SYTL3: variants seen among roughly 807,000 people sequenced by gnomAD.
SYTL3 encodes the protein synaptotagmin like 3, also known as synaptotagmin-like protein 3.
A neutral mutation model predicts 82.1 loss-of-function variants in SYTL3; 88 were observed. The ratio of observed to expected loss-of-function variants is 1.07; its 90% CI spans 0.90 to 1.28. The LOEUF (loss-of-function observed/expected upper bound fraction) is 1.28, where lower values mean the gene tolerates loss of function less well. Among genes scored for constraint, SYTL3 ranks in the 50% most tolerant of loss-of-function variants. The pLI is 0.00. For missense variants in SYTL3, 831 were observed against 757.6 expected (o/e 1.10, Z -1.14); for synonymous variants, 311 against 289.4 (o/e 1.07, Z -0.76).
At chr6:158,676,249 T>C (rs1029678158) in intron 5 of SYTL3, among the ~76,000 whole-genome samples, 1 of 152,152 alleles carries the variant, frequency 6.6e-6, no homozygotes, top group African/African-American at 2.4e-5. Context: ...GAAATAATGT[T>C]GCATATCTAC....
rs78704951 is a variant in SYTL3, at chr6:158,755,345, C to T, written c.1138-1866C>T. ...GTGACAGAGTGAGATCCTGTCCCCCCAAAAAAGATATGGACCCATAGACTT... is the reference window on the plus strand; with the variant it reads ...GTGACAGAGTGAGATCCTGTCCCCCTAAAAAAGATATGGACCCATAGACTT... On this transcript the variant is annotated intron_variant, in intron 13 of 17. Transcript: ENST00000611299. Among the ~76,000 whole-genome samples the T allele has an allele frequency of 9.6e-3, 1,454 of 152,066 alleles. 13 individuals carry two copies. The highest frequency in any genetic ancestry group is 0.017 in the Middle Eastern group (5 of 294).
chr6:158,757,328 G>A lies in SYTL3; in HGVS notation c.1255G>A (p.Asp419Asn), dbSNP rs201995415. 6.2e-7 allele frequency: 1 copy of A among 1,614,050 alleles called. No individual in the cohort carries two copies. Among genetic ancestry groups the A allele is most frequent in the African/African-American group, 1.3e-5 (1 of 75,028 alleles). Residue 419 changes from aspartate (D) to asparagine (N), a missense_variant, in exon 14 of 18, where the codon GAC (aspartate) becomes AAC (asparagine). Coordinates refer to ENST00000611299, the MANE Select transcript of SYTL3 (RefSeq NM_001242394.2). ...AGTGATCATTCCTCTGGCCACGTGGGACTTTGAAGACAGCACAACACAGTC... is the reference window on the plus strand; with the variant it reads ...AGTGATCATTCCTCTGGCCACGTGGAACTTTGAAGACAGCACAACACAGTC... Reference protein sequence around the residue: ...GEVIIPLATWDFEDSTTQSFR... With the variant: ...GEVIIPLATWNFEDSTTQSFR...
upstream of SYTL3, among the ~76,000 whole-genome samples, chr6:158,648,149 C>T (rs1259592876): frequency 6.6e-6 from 1 of 152,030 alleles, no homozygotes; most frequent in Admixed American, 6.6e-5. Flanking sequence ...CAAAATTAGC[C>T]AGGCATGGTG....
intron 2 of SYTL3, among the ~76,000 whole-genome samples, chr6:158,654,511 C>T (rs537463480): frequency 1.3e-5 from 2 of 152,302 alleles, no homozygotes; most frequent in Admixed American, 1.3e-4. Flanking sequence ...CGCGTCCCTC[C>T]CAATCCCAGA....
rs1783645676 is a variant in SYTL3 at position 158,718,175 on chromosome 6, G to A, written c.684G>A (p.Arg228=). 3.9e-6 allele frequency: 6 copies of A among 1,544,694 alleles called. No homozygotes were observed. The highest frequency in any genetic ancestry group is 5.2e-6 in the Non-Finnish European group (6 of 1,144,040). ...PRQCVGQTER[R]SQSDTAVNVT... ...AGTGTGTGGGACAGACAGAGAGACG[G>A]AGCCAGTCTGACACTGCGGTCAACG... The change falls in exon 10 of 18, where the codon CGG becomes CGA. Residue 228 remains arginine (R), a synonymous_variant. Transcript: ENST00000611299.
chr6:158,664,509 C>T (rs1159914902), intron 4 of SYTL3, among the ~76,000 whole-genome samples: 2 of 152,168 alleles, frequency 1.3e-5, no homozygotes, highest in Non-Finnish European at 2.9e-5. Flanking sequence ...CGCCACTGCA[C>T]TCCAGCCTGG....
At chr6:158,692,082 C>G (rs936104474) in intron 6 of SYTL3, among the ~76,000 whole-genome samples, 8 of 146,186 alleles carry the variant, frequency 5.5e-5, no homozygotes, top group African/African-American at 2.0e-4. Context: ...ACGGTGAAAC[C>G]CCGTCTCTAC....
chr6:158,688,632 A>G (rs1456357625), intron 6 of SYTL3, among the ~76,000 whole-genome samples: 1 of 152,206 alleles, frequency 6.6e-6, no homozygotes, highest in Non-Finnish European at 1.5e-5. Context: ...ATTAAAACCT[A>G]GAAAATGAAG....
At chr6:158,716,327 T>C (rs1310759108) in intron 9 of SYTL3, among the ~76,000 whole-genome samples, 3 of 152,186 alleles carry the variant, frequency 2.0e-5, no homozygotes, top group Non-Finnish European at 4.4e-5. Context: ...TCTCCCCTCA[T>C]CTGTGAACTT....
upstream of SYTL3, among the ~76,000 whole-genome samples, chr6:158,647,106 C>G (rs1486468804): frequency 6.6e-6 from 1 of 152,204 alleles, no homozygotes; most frequent in Non-Finnish European, 1.5e-5. Flanking sequence ...TTAGGAACTT[C>G]CTAATTTAAA....
chr6:158,755,123 G>A (rs975500291), intron 13 of SYTL3, among the ~76,000 whole-genome samples: 10 of 152,280 alleles, frequency 6.6e-5, no homozygotes, highest in African/African-American at 2.2e-4. Context: ...CGGGTGGAGG[G>A]CTTGAGCCCA....
intron 6 of SYTL3, among the ~76,000 whole-genome samples, chr6:158,705,013 G>C: frequency 2.4e-5 from 2 of 82,386 alleles, no homozygotes; most frequent in African/African-American, 1.1e-4. Context: ...AGGGACCCGG[G>C]GCAGGGTGAC....
Position 158,718,231 on chromosome 6 carries a change from G to A in SYTL3, c.720+20G>A. The A allele has an allele frequency of 1.3e-6, 2 of 1,493,022 alleles. No homozygotes were observed. Among genetic ancestry groups the A allele is most frequent in the Non-Finnish European group, 1.8e-6 (2 of 1,118,788 alleles). 92.5% of individuals were successfully genotyped at this position (1,493,022 alleles called of 1,614,324 possible). A position where few individuals can be genotyped will look rare whatever the true frequency, so the allele number is the denominator to read the frequency against. On this transcript the variant is annotated intron_variant, in intron 10 of 17. Transcript: ENST00000611299. ...ACCAGGGTACCCTGAGCCCCACAAG[G>A]CCTCCACGCTGATCACCTTCATGTT... is the stretch of plus-strand genomic sequence containing the variant.
chr6:158,678,239 G>C (rs1778283596), intron 5 of SYTL3, among the ~76,000 whole-genome samples: 1 of 152,172 alleles, frequency 6.6e-6, no homozygotes, highest in Non-Finnish European at 1.5e-5. Context: ...CTTGCCACTG[G>C]GGTACTGGTT....
At chr6:158,746,458 A>ATT (rs57721600) in intron 12 of SYTL3, among the ~76,000 whole-genome samples, 4,706 of 146,648 alleles carry the variant, frequency 0.032, 86 homozygotes, top group South Asian at 0.061. Context: ...TAATAATAAT[A>ATT]ATATTATTAT....
chr6:158,717,382 C>T (rs971384735), intron 9 of SYTL3, among the ~76,000 whole-genome samples: 2 of 151,720 alleles, frequency 1.3e-5, no homozygotes, highest in African/African-American at 4.8e-5. Flanking sequence ...CATTGTCTCT[C>T]TGCCGGACAG....
At chr6:158,687,054 T>C (rs753235378) in intron 6 of SYTL3, among the ~76,000 whole-genome samples, 1 of 152,204 alleles carries the variant, frequency 6.6e-6, no homozygotes, top group Non-Finnish European at 1.5e-5. Context: ...TTAGAAAAAC[T>C]AGATGGTGGT....
Position 158,761,301 on chromosome 6 carries a change from C to CTT in SYTL3, c.1414+574_1414+575dup, listed in dbSNP as rs11463987. Among the ~76,000 whole-genome samples, 121 of 93,866 alleles carry CTT rather than the reference C, an allele frequency of 1.3e-3. 1 individual carries two copies. The South Asian group carries it at 0.014, about 11-fold the overall frequency. 61.6% of individuals were successfully genotyped at this position (93,866 alleles called of 152,430 possible). On this transcript the variant is annotated intron_variant, in intron 15 of 17. Coordinates refer to ENST00000611299, the MANE Select transcript of SYTL3 (RefSeq NM_001242394.2). ...AGGAGGACTGGGAGAATGCACATTTCTTTTTTTTTTTTTTTTTTTGAGACA... is the reference window on the plus strand; with the variant it reads ...AGGAGGACTGGGAGAATGCACATTTCTTTTTTTTTTTTTTTTTTTTTGAGACA...
At chr6:158,751,589 A>G (rs981876368) in intron 12 of SYTL3, among the ~76,000 whole-genome samples, 1 of 152,174 alleles carries the variant, frequency 6.6e-6, no homozygotes. Context: ...AATCCGGCTC[A>G]TGGCCTTGAC....
Sources: allele counts gnomAD v4.1 joint callset (sites outside exome capture counted in the v4.1 genomes callset), GRCh38; gene constraint gnomAD v4.1.1; transcripts MANE v1.5; gene names NCBI Gene and HGNC (gene_info 2026-07-23, HGNC 2026-07-21).